Variants in TBC1D1 observed in about 807,000 individuals in gnomAD.
The protein encoded by TBC1D1 is TBC1 domain family member 1.
In TBC1D1, 89 loss-of-function variants were observed where a neutral mutation model predicts 125.6. That is an observed-to-expected ratio of 0.71 (90% confidence interval 0.60 to 0.85). TBC1D1 has a LOEUF of 0.85. TBC1D1 is among the 40% of genes least tolerant of loss of function. The probability of loss-of-function intolerance (pLI) is 0.00; values close to 1 mark genes in which losing one functional copy is unlikely to be tolerated. For synonymous variants in TBC1D1, 565 were observed against 564.1 expected (o/e 1.00, Z -0.02); for missense variants, 1,377 against 1,469.2 (o/e 0.94, Z 1.03).
intron 14 of TBC1D1, among the ~76,000 whole-genome samples, chr4:38,101,563 C>G (rs1760338157): frequency 6.6e-6 from 1 of 152,314 alleles, no homozygotes; most frequent in East Asian, 1.9e-4. Flanking sequence ...GTTAGAGGCT[C>G]TTGGACATTT....
At chr4:38,082,994 GT>G (rs1756840247) in intron 12 of TBC1D1, among the ~76,000 whole-genome samples, 1 of 152,166 alleles carries the variant, frequency 6.6e-6, no homozygotes, top group African/African-American at 2.4e-5. Context: ...CTTGGCTTCT[GT>G]TTTTAAGTGT....
intron 7 of TBC1D1, among the ~76,000 whole-genome samples, chr4:38,035,013 G>A (rs553207545): frequency 6.6e-6 from 1 of 152,306 alleles, no homozygotes; most frequent in East Asian, 1.9e-4. Flanking sequence ...CTGACTTCTG[G>A]TCCAGTGTGC....
At chr4:38,036,999 C>T (rs1747341194) in intron 8 of TBC1D1, among the ~76,000 whole-genome samples, 1 of 152,034 alleles carries the variant, frequency 6.6e-6, no homozygotes, top group South Asian at 2.1e-4. Context: ...CCTTTTTCCC[C>T]TCTTGTGCCA....
rs1199606418 is a variant in TBC1D1 at position 37,915,075 on chromosome 4, G to A, written c.417+12563G>A. Among the ~76,000 whole-genome samples, 5 of 152,200 alleles carry A rather than the reference G, an allele frequency of 3.3e-5. No individual in the cohort carries two copies. The South Asian group carries it at 8.3e-4, about 25-fold the overall frequency. On this transcript the variant is annotated intron_variant, in intron 2 of 19. Coordinates refer to ENST00000261439, the MANE Select transcript of TBC1D1 (RefSeq NM_015173.4). ...CCTGCCTGAGCTCTAAGAGAGCAACGCTCTTGCCTGTCTTCTTCACTGCTA... is the reference window on the plus strand; with the variant it reads ...CCTGCCTGAGCTCTAAGAGAGCAACACTCTTGCCTGTCTTCTTCACTGCTA...
intron 2 of TBC1D1, among the ~76,000 whole-genome samples, chr4:37,966,625 C>T (rs146316311): frequency 3.9e-5 from 6 of 152,210 alleles, no homozygotes; most frequent in African/African-American, 1.4e-4. Context: ...TATACAGACA[C>T]CTTTTATCTT....
chr4:37,955,353 G>C (rs997307355), intron 2 of TBC1D1, among the ~76,000 whole-genome samples: 2 of 152,078 alleles, frequency 1.3e-5, no homozygotes, highest in Non-Finnish European at 2.9e-5. Flanking sequence ...GTGGGGATGA[G>C]GGCATTGGTT....
In TBC1D1 at chr4:38,000,541, A is replaced by AT. The variant is rs1331779426; in HGVS notation, c.418-13964dup. 1.3e-5 allele frequency among the ~76,000 whole-genome samples: 2 copies of AT among 152,046 alleles called. 1 individual carries two copies. Among genetic ancestry groups the AT allele is most frequent in the Non-Finnish European group, 2.9e-5 (2 of 68,004 alleles). On this transcript the variant is annotated intron_variant, in intron 2 of 19. Transcript: ENST00000261439. Reference sequence around the variant, plus strand: ...AAGTTTCCAATTTTGGAGCATTTAGATTTTGGATTTTTGGGCTAGGGATCC... The same window carrying AT: ...AAGTTTCCAATTTTGGAGCATTTAGATTTTTGGATTTTTGGGCTAGGGATCC...
At chr4:38,043,426 C>T (rs1029064556) in intron 8 of TBC1D1, among the ~76,000 whole-genome samples, 4 of 151,590 alleles carry the variant, frequency 2.6e-5, no homozygotes, top group East Asian at 1.9e-4. Flanking sequence ...GGTGAAACCC[C>T]GTCTCTACAA....
intron 1 of TBC1D1, among the ~76,000 whole-genome samples, chr4:37,900,764 A>G (rs763719492): frequency 6.6e-6 from 1 of 152,212 alleles, no homozygotes; most frequent in Non-Finnish European, 1.5e-5. Flanking sequence ...AGGATACATC[A>G]AACGTGGTTG....
chr4:37,892,345 G>A (rs1713520824), intron 1 of TBC1D1, among the ~76,000 whole-genome samples: 1 of 152,128 alleles, frequency 6.6e-6, no homozygotes, highest in Non-Finnish European at 1.5e-5. Flanking sequence ...GAGCCCAGGA[G>A]TTCGAGGCCA....
intron 18 of TBC1D1, among the ~76,000 whole-genome samples, chr4:38,126,804 C>A (rs1764725474): frequency 1.3e-5 from 2 of 152,138 alleles, no homozygotes; most frequent in Admixed American, 1.3e-4. Context: ...CACTCTGCTG[C>A]AAAGTGGAAA....
At position 38,137,216 on chromosome 4, in the gene TBC1D1, C is replaced by T. The variant is rs1560286515; in HGVS notation, c.3388C>T (p.Leu1130Phe). 3 of 1,612,814 alleles carry T rather than the reference C, an allele frequency of 1.9e-6. No homozygotes were observed. Among genetic ancestry groups the T allele is most frequent in the Non-Finnish European group, 8.5e-7 (1 of 1,180,032 alleles). The change falls in exon 20 of 20, where the codon CTT becomes TTT. Residue 1130 changes from leucine to phenylalanine, a missense_variant. Transcript: ENST00000261439. ...TGAGAGCAAGCTGAAGCAGGCCATG[C>T]TTACCTTAGAACTGGAGCGGTCGGC...
chr4:37,930,803 G>T (rs541232140), intron 2 of TBC1D1, among the ~76,000 whole-genome samples: 1 of 152,214 alleles, frequency 6.6e-6, no homozygotes, highest in South Asian at 2.1e-4. Context: ...TTTTCCTAAA[G>T]AAATATTTTC....
At chr4:38,089,813 A>G (rs1758124695) in intron 12 of TBC1D1, 119 bp from the exon 15 acceptor site, 3 of 1,094,052 alleles carry the variant, frequency 2.7e-6, no homozygotes, top group Admixed American at 5.5e-5. Context: ...AGGAATTTTA[A>G]ATTTGGTGAT....
In TBC1D1 at chr4:38,093,696, T is replaced by G. The variant is rs200181340; in HGVS notation, c.2237-2233T>G. ...CACCACACCCGGCTAATTTTTATTATTAGTAGTAGTAGTAGTAGTAGAGAT... is the reference window on the plus strand; with the variant it reads ...CACCACACCCGGCTAATTTTTATTAGTAGTAGTAGTAGTAGTAGTAGAGAT... On this transcript the variant is annotated intron_variant, in intron 13 of 19. Transcript: ENST00000261439. 1.4e-3 allele frequency among the ~76,000 whole-genome samples: 219 copies of G among 151,728 alleles called. 1 individual carries two copies. Among genetic ancestry groups the G allele is most frequent in the Admixed American group, 5.5e-3 (83 of 15,224 alleles).
In TBC1D1 at chr4:37,976,505, A is replaced by T. The variant is rs148031450; in HGVS notation, c.418-38004A>T. On this transcript the variant is annotated intron_variant, in intron 2 of 19. Coordinates refer to ENST00000261439, the MANE Select transcript of TBC1D1 (RefSeq NM_015173.4). The stretch of plus-strand genomic sequence containing the variant: ...TAGGGAACAACATTAAAATGTCCCA[A>T]TGGTCCTTCAAGAAGATAATGCACA... Among the ~76,000 whole-genome samples the T allele has an allele frequency of 2.1e-4, 32 of 152,374 alleles. No individual in the cohort carries two copies. In the Middle Eastern group the frequency reaches 0.017, roughly 81 times the overall value.
chr4:38,044,367 G>A lies in TBC1D1; in HGVS notation c.1419G>A (p.Ser473=), dbSNP rs759540254. 8 of 1,598,710 alleles carry A rather than the reference G, an allele frequency of 5.0e-6. No homozygotes were observed. The highest frequency in any genetic ancestry group is 2.2e-5 in the East Asian group (1 of 44,704). Reference sequence around the variant, plus strand: ...TTCGTTTTTCACTTTTTTAGACATCGCAGATGGCAGCAGAGAATATTGGAA... The same window carrying A: ...TTCGTTTTTCACTTTTTTAGACATCACAGATGGCAGCAGAGAATATTGGAA... Residue 473 remains serine (S), a synonymous_variant, in exon 9 of 20, where the codon TCG becomes TCA. Coordinates refer to ENST00000261439, the MANE Select transcript of TBC1D1 (RefSeq NM_015173.4).
chr4:38,099,939 C>T (rs1760018034), intron 14 of TBC1D1, among the ~76,000 whole-genome samples: 1 of 152,136 alleles, frequency 6.6e-6, no homozygotes, highest in Admixed American at 6.5e-5. Context: ...TCTGATAAGA[C>T]AATGGGAATG....
At position 38,021,653 on chromosome 4, in the gene TBC1D1, C is replaced by A; in HGVS notation, c.1145C>A (p.Ala382Glu). The A allele has an allele frequency of 6.3e-7, 1 of 1,596,636 alleles. No individual in the cohort carries two copies. The highest frequency in any genetic ancestry group is 8.5e-7 in the Non-Finnish European group (1 of 1,172,026). The change falls in exon 6 of 20, where the codon GCG becomes GAG. Residue 382 changes from alanine to glutamate, a missense_variant. Around this residue, in one of 3 missense-constraint regions of TBC1D1, gnomAD observed 822 missense variants for 824.6 expected, o/e 1.00. Coordinates refer to ENST00000261439, the MANE Select transcript of TBC1D1 (RefSeq NM_015173.4). ...GCCGCAGTGCAGCAGACAGCTAAGGCGCCAGCCCAGCTGTGTGAGGGCTGC... is the reference window on the plus strand; with the variant it reads ...GCCGCAGTGCAGCAGACAGCTAAGGAGCCAGCCCAGCTGTGTGAGGGCTGC...
Sources: allele counts gnomAD v4.1 joint callset (sites outside exome capture counted in the v4.1 genomes callset), GRCh38; gene constraint gnomAD v4.1.1; regional missense constraint gnomAD v4.1.1; transcripts MANE v1.5; gene names NCBI Gene and HGNC (gene_info 2026-07-23, HGNC 2026-07-21).